The following XPNPEP1 variants were observed in gnomAD, a reference collection of about 807,000 sequenced individuals.
The protein encoded by XPNPEP1 is X-prolyl aminopeptidase 1.
Under a neutral mutation model 92.4 loss-of-function variants are expected in XPNPEP1, and 39 were observed. The ratio of observed to expected loss-of-function variants is 0.42; its 90% confidence interval spans 0.33 to 0.55. XPNPEP1 has a LOEUF of 0.55. Among genes scored for constraint, XPNPEP1 ranks in the 20% least tolerant of loss-of-function variants. XPNPEP1 has a pLI of 0.08. For missense variants in XPNPEP1, 654 were observed against 856.1 expected, an observed-to-expected ratio of 0.76 and a Z score of 2.95; for synonymous variants, 307 against 299.4, an observed-to-expected ratio of 1.03 and a Z score of -0.26.
chr10:109,909,297 G>A (rs541954969), intron 2 of XPNPEP1, among the ~76,000 whole-genome samples: 9 of 152,162 alleles, frequency 5.9e-5, no homozygotes, highest in Non-Finnish European at 7.4e-5. Context: ...AAAGTATGGC[G>A]GGAGTGGATG....
At chr10:109,911,703 C>A (rs573084486) in intron 2 of XPNPEP1, among the ~76,000 whole-genome samples, 1 of 152,214 alleles carries the variant, frequency 6.6e-6, no homozygotes, top group Admixed American at 6.5e-5. Flanking sequence ...TCAACACTGG[C>A]TGCACATTAG....
intron 3 of XPNPEP1, among the ~76,000 whole-genome samples, chr10:109,901,835 A>G (rs375610862): frequency 1.3e-5 from 2 of 152,356 alleles, no homozygotes; most frequent in South Asian, 2.1e-4. Context: ...AAAATTTCAC[A>G]TTCAAATTGC....
rs75515504 is a variant in XPNPEP1, at chr10:109,880,165, T to C, written c.1182+23A>G. ...GGTCTGAATAATGTATATCCACATA[T>C]TAAACAAAGACTAAGAACCAACCTC... On this transcript the variant is annotated intron_variant, in intron 12 of 20. Transcript: ENST00000502935. The C allele has an allele frequency of 7.1e-3, 11,494 of 1,612,284 alleles. 129 individuals carry two copies. The highest frequency in any genetic ancestry group is 6.8e-3 in the Non-Finnish European group (8,014 of 1,178,590).
rs74154906 is a variant in XPNPEP1 at position 109,880,944 on chromosome 10, G to A, written c.1042-13C>T. 3.5e-3 allele frequency: 5,703 copies of A among 1,611,380 alleles called. 195 individuals are homozygous for A. In the African/African-American group the frequency reaches 0.066, roughly 19 times the overall value. ...AGCAGCGGTGGTCCTAGAGGCAAAG[G>A]GCAGTAGGGTGGGAAATCAAACCGG... On this transcript the variant is annotated splice_polypyrimidine_tract_variant and intron_variant, in intron 10 of 20. Transcript: ENST00000502935.
chr10:109,875,682 G>A, intron 14 of XPNPEP1, 83 bp from the exon 15 acceptor site: 1 of 1,221,500 alleles, frequency 8.2e-7, no homozygotes, highest in Admixed American at 1.9e-5. Flanking sequence ...AGAGCTCTTT[G>A]TACTATTCTT....
intron 3 of XPNPEP1, among the ~76,000 whole-genome samples, chr10:109,899,800 C>A (rs1849183781): frequency 6.6e-6 from 1 of 152,222 alleles, no homozygotes; most frequent in African/African-American, 2.4e-5. Context: ...AGCCCAACAA[C>A]ATAATATGGG....
At position 109,873,347 on chromosome 10, in the gene XPNPEP1, G is replaced by GT; in HGVS notation, c.1452+19dup. 6.2e-7 allele frequency: 1 copy of GT among 1,614,056 alleles called. No individual in the cohort carries two copies. Reference sequence around the variant, plus strand: ...TAAGAAAGCAGAGAGGACCTCTTGAGTTTTTTACCTCCACCTTACCTTCTC... The same window carrying GT: ...TAAGAAAGCAGAGAGGACCTCTTGAGTTTTTTTACCTCCACCTTACCTTCTC... On this transcript the variant is annotated intron_variant, in intron 16 of 20. Transcript: ENST00000502935.
At position 109,884,217 on chromosome 10, in the gene XPNPEP1, G is replaced by C. The variant is rs578255343; in HGVS notation, c.749-69C>G. The stretch of plus-strand genomic sequence containing the variant: ...TGTTAAGGGGTCGCTTGTAGCGGGA[G>C]GGAAGAGCTTCAGCTTGGAGTCCAG... On this transcript the variant is annotated intron_variant, in intron 8 of 20. Transcript: ENST00000502935. 81 of 1,483,674 alleles carry C rather than the reference G, an allele frequency of 5.5e-5. No individual in the cohort carries two copies. The Middle Eastern group carries it at 1.0e-3, about 19-fold the overall frequency. 91.9% of individuals were successfully genotyped at this position (1,483,674 alleles called of 1,614,324 possible). A position where few individuals can be genotyped will look rare whatever the true frequency, so the allele number is the denominator to read the frequency against.
chr10:109,902,054 T>C (rs914317113), intron 3 of XPNPEP1, among the ~76,000 whole-genome samples: 4 of 152,264 alleles, frequency 2.6e-5, no homozygotes, highest in Non-Finnish European at 1.5e-5. Context: ...ATCTCACAGA[T>C]TCTACTTAGA....
chr10:109,907,611 G>A lies in XPNPEP1; in HGVS notation c.246+80C>T, dbSNP rs1849623289. The A allele has an allele frequency of 1.9e-6, 3 of 1,583,060 alleles. No homozygotes were observed. In the African/African-American group the frequency reaches 4.0e-5, roughly 21 times the overall value. On this transcript the variant is annotated intron_variant, in intron 3 of 20. Transcript: ENST00000502935. ...TTGGTTGTGGCCCTGGTTGTGGGTT[G>A]ACAATTAGAATCCTACAAACACATT...
chr10:109,899,591 C>T (rs1315652959), intron 3 of XPNPEP1, among the ~76,000 whole-genome samples: 1 of 152,212 alleles, frequency 6.6e-6, no homozygotes, highest in East Asian at 1.9e-4. Context: ...GGATAAAAAT[C>T]ATTAACCCCA....
intron 20 of XPNPEP1, 54 bp from the exon 21 acceptor site, chr10:109,865,366 G>A: frequency 1.2e-6 from 2 of 1,609,404 alleles, no homozygotes; most frequent in Non-Finnish European, 1.7e-6. Flanking sequence ...TTTAACAACT[G>A]GCTACACAGG....
chr10:109,919,388 C>G (rs1232600661), intron 1 of XPNPEP1, among the ~76,000 whole-genome samples: 2 of 152,178 alleles, frequency 1.3e-5, no homozygotes, highest in Admixed American at 6.5e-5. Context: ...AGATGCTCAT[C>G]ATTAGTCATT....
chr10:109,923,181 C>G, intron 1 of XPNPEP1: 3 of 985,390 alleles, frequency 3.0e-6, no homozygotes, highest in Non-Finnish European at 3.6e-6. Flanking sequence ...CGGGCCGCCC[C>G]GTGCCCACCG....
chr10:109,880,777 A>T, intron 11 of XPNPEP1, 65 bp downstream of exon 11: 1 of 1,487,288 alleles, frequency 6.7e-7, no homozygotes, highest in Non-Finnish European at 9.3e-7. Flanking sequence ...GCCACAGAGG[A>T]GGTGAAGGAG....
Position 109,875,598 on chromosome 10 carries a change from G to A in XPNPEP1, c.1321C>T (p.Pro441Ser). 6.2e-7 allele frequency: 1 copy of A among 1,613,862 alleles called. No individual in the cohort carries two copies. Among genetic ancestry groups the A allele is most frequent in the Non-Finnish European group, 8.5e-7 (1 of 1,179,800 alleles). ...GPNGAIIHYA[P>S]VPETNRTLSL... is the part of the protein sequence containing the mutation. ...AAGGTCCTATTCGTCTCAGGGACTG[G>A]CCTAACAAAGTTAATTAAAAATTAA... Residue 441 changes from proline (P) to serine (S), a missense_variant and splice_region_variant, in exon 15 of 21, where the codon CCA becomes TCA. Pro to Ser is a moderately conservative substitution (Grantham distance 74, BLOSUM62 -1). Transcript: ENST00000502935.
chr10:109,869,871 G>A, intron 19 of XPNPEP1, 82 bp downstream of exon 19: 1 of 1,376,080 alleles, frequency 7.3e-7, no homozygotes, highest in South Asian at 1.2e-5. Context: ...TTTGCGCAGT[G>A]GCAGTATTGT....
At chr10:109,906,514 C>G (rs1318661126) in intron 3 of XPNPEP1, among the ~76,000 whole-genome samples, 1 of 152,200 alleles carries the variant, frequency 6.6e-6, no homozygotes, top group Admixed American at 6.5e-5. Flanking sequence ...GAGGCCCTGA[C>G]ACACATAACT....
chr10:109,912,796 C>T (rs937823671), intron 2 of XPNPEP1, among the ~76,000 whole-genome samples: 5 of 152,176 alleles, frequency 3.3e-5, no homozygotes, highest in African/African-American at 7.2e-5. Flanking sequence ...ACCACTTCTC[C>T]GGAAGGCAGG....
Sources: gnomAD v4.1 joint callset for allele counts (sites outside exome capture counted in the v4.1 genomes callset) on GRCh38, gnomAD v4.1.1 for gene constraint, MANE v1.5 for transcripts, NCBI Gene and HGNC (gene_info 2026-07-23, HGNC 2026-07-21) for gene names.